Variants in PDE4D observed in about 807,000 individuals in gnomAD.
The protein encoded by PDE4D is 3',5'-cyclic-AMP phosphodiesterase 4D.
A neutral mutation model predicts 87.4 loss-of-function variants in PDE4D; 24 were observed. That is an observed-to-expected ratio of 0.27 (90% CI 0.20 to 0.39). The LOEUF is 0.39. PDE4D is among the 10% of genes least tolerant of loss of function. The pLI is 1.00. For missense variants in PDE4D, 714 were observed against 1,041.0 expected (o/e 0.69, Z 4.32); for synonymous variants, 384 against 383.2 (o/e 1.00, Z -0.02).
chr5:59,628,398 TC>T (rs1831155735), intron 1 of PDE4D, among the ~76,000 whole-genome samples: 1 of 152,206 alleles, frequency 6.6e-6, no homozygotes, highest in African/African-American at 2.4e-5. Context: ...GCAGAAATGT[TC>T]TATATCTGTG....
chr5:59,762,264 ATATGTG>A (rs1762093708), intron 1 of PDE4D, among the ~76,000 whole-genome samples: 1 of 44,158 alleles, frequency 2.3e-5, no homozygotes, highest in Non-Finnish European at 5.7e-5. Context: ...ACATATGCGT[ATATGTG>A]TATATGGGTA....
At chr5:59,640,902 T>C (rs1039836628) in intron 1 of PDE4D, among the ~76,000 whole-genome samples, 1 of 152,230 alleles carries the variant, frequency 6.6e-6, no homozygotes, top group Non-Finnish European at 1.5e-5. Flanking sequence ...ACTCCATGGT[T>C]CAGATTTAAG....
At chr5:60,342,003 C>G (rs114264577) in intron 1 of PDE4D, among the ~76,000 whole-genome samples, 138 of 152,298 alleles carry the variant, frequency 9.1e-4, no homozygotes, top group African/African-American at 3.1e-3. Context: ...GCAAGAGAAA[C>G]AGTTTCAAAC....
chr5:59,957,859 C>A (rs1396846955), intron 3 of PDE4D, among the ~76,000 whole-genome samples: 1 of 151,988 alleles, frequency 6.6e-6, no homozygotes, highest in Non-Finnish European at 1.5e-5. Context: ...GTCTAAGTAA[C>A]TAAATGGTGA....
chr5:60,382,604 G>A (rs1761940412), intron 1 of PDE4D, among the ~76,000 whole-genome samples: 1 of 152,152 alleles, frequency 6.6e-6, no homozygotes, highest in Non-Finnish European at 1.5e-5. Context: ...TAATGTTGCT[G>A]TCAAAATCAG....
chr5:59,035,559 C>T (rs1758360749), intron 6 of PDE4D, among the ~76,000 whole-genome samples: 1 of 152,188 alleles, frequency 6.6e-6, no homozygotes, highest in Admixed American at 6.5e-5. Flanking sequence ...ACAACAGATA[C>T]AGTGCCTACT....
chr5:59,984,711 A>G lies in PDE4D; in HGVS notation c.272+3777T>C, dbSNP rs75200910. 1.9e-3 allele frequency among the ~76,000 whole-genome samples: 283 copies of G among 152,250 alleles called. 4 individuals are homozygous for G. In the East Asian group the frequency reaches 0.043, roughly 23 times the overall value. On this transcript the variant is annotated intron_variant, in intron 3 of 16. Transcript: ENST00000502484. ...TACGACACTTATTTCTGCACATCAA[A>G]GTTCTTTTTCAGAAACTAATGATTC...
intron 1 of PDE4D, among the ~76,000 whole-genome samples, chr5:59,629,438 T>C (rs1831296658): frequency 6.6e-6 from 1 of 151,550 alleles, no homozygotes; most frequent in Non-Finnish European, 1.5e-5. Context: ...AAAGAGAAAT[T>C]TGGACACAGA....
intron 1 of PDE4D, among the ~76,000 whole-genome samples, chr5:59,874,102 C>A (rs1345763553): frequency 6.6e-6 from 1 of 151,976 alleles, no homozygotes; most frequent in African/African-American, 2.4e-5. Context: ...ACGCAGGAGG[C>A]TGAGGCAGTA....
chr5:59,322,686 G>A (rs1322121930), intron 1 of PDE4D, among the ~76,000 whole-genome samples: 1 of 152,062 alleles, frequency 6.6e-6, no homozygotes, highest in East Asian at 1.9e-4. Flanking sequence ...GTCACATTAT[G>A]TGCTGTGGCT....
intron 1 of PDE4D, among the ~76,000 whole-genome samples, chr5:60,378,611 T>A (rs1213181466): frequency 6.6e-6 from 1 of 152,104 alleles, no homozygotes; most frequent in Non-Finnish European, 1.5e-5. Context: ...CCCAGCACTT[T>A]GGGAGGCCAA....
chr5:60,220,798 A>T (rs530559097), intron 1 of PDE4D, among the ~76,000 whole-genome samples: 1 of 152,324 alleles, frequency 6.6e-6, no homozygotes, highest in South Asian at 2.1e-4. Flanking sequence ...CACTATGCTT[A>T]TCAAAGCATA....
chr5:59,806,032 C>T (rs1251199484), intron 1 of PDE4D, among the ~76,000 whole-genome samples: 3 of 152,216 alleles, frequency 2.0e-5, no homozygotes, highest in Non-Finnish European at 4.4e-5. Flanking sequence ...TCCTCCTTAT[C>T]TCCTTCCTTT....
chr5:60,432,093 A>AGAAGGAGAG (rs1554035290), intron 1 of PDE4D, among the ~76,000 whole-genome samples: 1 of 150,114 alleles, frequency 6.7e-6, no homozygotes, highest in African/African-American at 2.5e-5. Flanking sequence ...CGTGGGGAGA[A>AGAAGGAGAG]GGAGAGGGAG....
At chr5:59,056,067 G>A (rs1294937640) in intron 5 of PDE4D, among the ~76,000 whole-genome samples, 1 of 152,164 alleles carries the variant, frequency 6.6e-6, no homozygotes, top group Non-Finnish European at 1.5e-5. Context: ...TTCCAGACAG[G>A]CTTCCTGGGG....
At chr5:59,370,109 G>A (rs244579) in intron 1 of PDE4D, among the ~76,000 whole-genome samples, 38,410 of 151,944 alleles carry the variant, frequency 0.25, 5,452 homozygotes, top group East Asian at 0.36. Context: ...GCCATCACCC[G>A]GGTCCAAGTC....
At chr5:60,043,945 T>C (rs142964692) in intron 2 of PDE4D, among the ~76,000 whole-genome samples, 451 of 152,298 alleles carry the variant, frequency 3.0e-3, no homozygotes, top group Middle Eastern at 6.8e-3. Context: ...GCTACCTTCT[T>C]CTTTCTTGCA....
At chr5:60,173,437 T>C (rs562518031) in intron 2 of PDE4D, among the ~76,000 whole-genome samples, 1 of 152,170 alleles carries the variant, frequency 6.6e-6, no homozygotes, top group Non-Finnish European at 1.5e-5. Flanking sequence ...TTAACACATA[T>C]ATTAGACTTT....
intron 1 of PDE4D, among the ~76,000 whole-genome samples, chr5:59,855,437 A>G (rs1372975327): frequency 6.6e-6 from 1 of 152,190 alleles, no homozygotes; most frequent in Non-Finnish European, 1.5e-5. Context: ...AAACCTCAAG[A>G]GTGTATGTCA....
Sources: gnomAD v4.1 joint callset for allele counts (sites outside exome capture counted in the v4.1 genomes callset) on GRCh38, gnomAD v4.1.1 for gene constraint, MANE v1.5 for transcripts, NCBI Gene and HGNC (gene_info 2026-07-23, HGNC 2026-07-21) for gene names.